BAG6: variants seen among roughly 807,000 people sequenced by gnomAD.
The protein encoded by BAG6 is BAG cochaperone 6.
A neutral mutation model predicts 121.0 loss-of-function variants in BAG6; 22 were observed. The observed-to-expected ratio is 0.18, with a 90% confidence interval of 0.13 to 0.26. The LOEUF is 0.26. Ranked by LOEUF, BAG6 falls within the 10% of genes least tolerant of loss-of-function variation. The pLI, the probability that BAG6 is intolerant of heterozygous loss-of-function variation, is 1.00. For missense variants in BAG6, 1,233 were observed against 1,537.7 expected (o/e 0.80, Z 3.31); for synonymous variants, 583 against 584.6 (o/e 1.00, Z 0.04).
Position 31,640,283 on chromosome 6 carries a change from C to T in BAG6, c.3162G>A (p.Gln1054=), listed in dbSNP as rs1458194659. The T allele has an allele frequency of 6.2e-7, 1 of 1,614,188 alleles. No individual in the cohort carries two copies. The highest frequency in any genetic ancestry group is 8.5e-7 in the Non-Finnish European group (1 of 1,180,032). ...VPPEWVPIIQ[Q]DIQSQRKVKP... is the part of the protein sequence containing the mutation. The stretch of plus-strand genomic sequence containing the variant: ...TCACCTTCCGCTGGCTCTGAATGTC[C>T]TGCTGGATAATAGGGACCCATTCCT... Residue 1054 remains glutamine, a synonymous_variant, in exon 24 of 26, where the codon CAG becomes CAA. Coordinates refer to ENST00000676615, the MANE Select transcript of BAG6 (RefSeq NM_001387994.1). This position sits in a 1 kb window ranked among gnomAD's most constrained non-coding sequence, Gnocchi z 4.2.
At chr6:31,645,643 T>C in intron 8 of BAG6, 39 bp from the exon 9 acceptor site, 1 of 1,603,268 alleles carries the variant, frequency 6.2e-7, no homozygotes, top group Non-Finnish European at 8.5e-7. Context: ...GCAGAAAATA[T>C]CAAGCTGGAG....
In BAG6 at chr6:31,645,618, G is replaced by A; in HGVS notation, c.919-14C>T. On this transcript the variant is annotated splice_polypyrimidine_tract_variant and intron_variant, in intron 8 of 25. Transcript: ENST00000676615. ...CCGGCCCTCGTGCTGCGCACAACCA[G>A]CCAAACACAAAAAGGCAGAAAATAT... 2 of 1,612,158 alleles carry A rather than the reference G, an allele frequency of 1.2e-6. No homozygotes were observed. The highest frequency in any genetic ancestry group is 1.7e-5 in the Admixed American group (1 of 59,860).
At position 31,644,675 on chromosome 6, in the gene BAG6, G is replaced by C; in HGVS notation, c.1370-73C>G. 1.3e-6 allele frequency: 2 copies of C among 1,488,058 alleles called. No homozygotes were observed. Among genetic ancestry groups the C allele is most frequent in the Non-Finnish European group, 1.9e-6 (2 of 1,074,936 alleles). 92.2% of individuals were successfully genotyped at this position (1,488,058 alleles called of 1,614,324 possible). On this transcript the variant is annotated intron_variant, in intron 10 of 25. Coordinates refer to ENST00000676615, the MANE Select transcript of BAG6 (RefSeq NM_001387994.1). This position sits in a 1 kb window ranked among gnomAD's most constrained non-coding sequence, Gnocchi z 4.9. ...GCCTAACTATATCCTTCTGAGATCA[G>C]GCATACTTCAGGCCCATAATCCCCC... is the stretch of plus-strand genomic sequence containing the variant.
Position 31,642,923 on chromosome 6 carries a change from G to C in BAG6, c.1949C>G (p.Pro650Arg), listed in dbSNP as rs908266605. ...LLGNLLGPAG[P>R]GAGGSGVASP... Reference sequence around the variant, plus strand: ...AGCCACACCAGACCCTCCAGCCCCTGGCCCTGCAGGCCCTAGCAGGTTCCC... The same window carrying C: ...AGCCACACCAGACCCTCCAGCCCCTCGCCCTGCAGGCCCTAGCAGGTTCCC... The change falls in exon 15 of 26, where the codon CCA becomes CGA. Residue 650 changes from proline to arginine, a missense_variant. Around this residue, in one of 7 missense-constraint regions of BAG6, gnomAD observed 777 missense variants for 861.4 expected, o/e 0.90. Coordinates refer to ENST00000676615, the MANE Select transcript of BAG6 (RefSeq NM_001387994.1). 1.2e-6 allele frequency: 2 copies of C among 1,609,396 alleles called. No homozygotes were observed. The highest frequency in any genetic ancestry group is 1.7e-6 in the Non-Finnish European group (2 of 1,178,056).
intron 2 of BAG6, 106 bp from the exon 3 acceptor site, chr6:31,649,733 C>T: frequency 2.2e-6 from 2 of 895,834 alleles, no homozygotes; most frequent in East Asian, 2.4e-5. Context: ...ACCACAGAAT[C>T]ACTACCCGTT....
chr6:31,640,708 TGAAATTAAA>T lies in BAG6; in HGVS notation c.2935-13_2935-5del. Reference sequence around the variant, plus strand: ...CCATTGGCTCCTCAGGAAGTGGCTGTGAAATTAAAGAACACCATACTTCCTCTCAGATCT... The same window carrying T: ...CCATTGGCTCCTCAGGAAGTGGCTGTGAACACCATACTTCCTCTCAGATCT... On this transcript the variant is annotated splice_region_variant and splice_polypyrimidine_tract_variant and intron_variant, in intron 21 of 25. Coordinates refer to ENST00000676615, the MANE Select transcript of BAG6 (RefSeq NM_001387994.1). This position sits in a 1 kb window ranked among gnomAD's most constrained non-coding sequence, Gnocchi z 4.2. 1 of 1,612,686 alleles carries T rather than the reference TGAAATTAAA, an allele frequency of 6.2e-7. No homozygotes were observed. The highest frequency in any genetic ancestry group is 8.5e-7 in the Non-Finnish European group (1 of 1,179,906).
rs776782595 is a variant in BAG6, at chr6:31,645,160, C to T, written c.1155G>A (p.Gly385=). ...CATTGGGAGTTGGGGGGGGCCGAGT[C>T]CCATTTCCTGTCATGGTCACAGTGG... ...VGTTVTMTGN[G]TRPPPTPNAE... Residue 385 remains glycine (G), a synonymous_variant, in exon 10 of 26, where the codon GGG becomes GGA. Transcript: ENST00000676615. The T allele has an allele frequency of 1.2e-6, 2 of 1,612,610 alleles. No individual in the cohort carries two copies. Among genetic ancestry groups the T allele is most frequent in the South Asian group, 2.2e-5 (2 of 91,048 alleles).
chr6:31,644,246 C>A lies in BAG6; in HGVS notation c.1556-52G>T. Reference sequence around the variant, plus strand: ...AAGAGGGCTGAGGGCCAGGCCCTTGCCAGCCAGCTGCCACCATGGACTGTG... The same window carrying A: ...AAGAGGGCTGAGGGCCAGGCCCTTGACAGCCAGCTGCCACCATGGACTGTG... On this transcript the variant is annotated intron_variant, in intron 12 of 25. Transcript: ENST00000676615. The surrounding 1 kb of genome is among the most constrained non-coding windows in gnomAD (Gnocchi z 4.9). 6.4e-7 allele frequency: 1 copy of A among 1,574,754 alleles called. No homozygotes were observed. Among genetic ancestry groups the A allele is most frequent in the Admixed American group, 1.9e-5 (1 of 53,682 alleles).
intron 24 of BAG6, chr6:31,639,899 G>C: frequency 1.6e-6 from 1 of 617,302 alleles, no homozygotes; most frequent in Non-Finnish European, 2.8e-6. Flanking sequence ...AAGCCATCCG[G>C]GATTCAGAGC....
intron 2 of BAG6, among the ~76,000 whole-genome samples, chr6:31,650,159 C>T (rs183844481): frequency 1.3e-5 from 2 of 151,528 alleles, no homozygotes; most frequent in Admixed American, 6.6e-5. Context: ...AAAAATAACA[C>T]GGATGAAAAA....
intron 7 of BAG6, among the ~76,000 whole-genome samples, 161 bp downstream of exon 7, chr6:31,647,430 G>A (rs769713372): frequency 2.6e-5 from 4 of 152,146 alleles, no homozygotes; most frequent in Admixed American, 6.5e-5. Flanking sequence ...CTGTCCTAGC[G>A]TCATTTACCT....
intron 7 of BAG6, 107 bp from the exon 8 acceptor site, chr6:31,646,630 C>G: frequency 7.0e-7 from 1 of 1,432,192 alleles, no homozygotes; most frequent in Non-Finnish European, 9.4e-7. Context: ...TCCCAGAGCC[C>G]TGGCCCAATC....
At position 31,645,460 on chromosome 6, in the gene BAG6, T is replaced by C. The variant is rs138038562; in HGVS notation, c.1063A>G (p.Met355Val). 6.5e-5 allele frequency: 105 copies of C among 1,613,044 alleles called. 1 individual carries two copies. Among genetic ancestry groups the C allele is most frequent in the East Asian group, 2.0e-4 (9 of 44,884 alleles). ...PPRHLHVVRPMSHYTTPMVLQ... is the reference protein window; with the variant it reads ...PPRHLHVVRPVSHYTTPMVLQ... ...ACCATGGGGGTGGTGTAGTGAGACA[T>C]AGGCCGGACCACATGCAGGTGTCGT... is the stretch of plus-strand genomic sequence containing the variant. The change falls in exon 9 of 26, where the codon ATG becomes GTG. Residue 355 changes from methionine to valine, a missense_variant. Around this residue, in one of 7 missense-constraint regions of BAG6, gnomAD observed 777 missense variants for 861.4 expected, o/e 0.90. Coordinates refer to ENST00000676615, the MANE Select transcript of BAG6 (RefSeq NM_001387994.1).
chr6:31,642,863 G>C lies in BAG6; in HGVS notation c.2009C>G (p.Pro670Arg). The change falls in exon 15 of 26, where the codon CCT (proline) becomes CGT (arginine). Residue 670 changes from proline to arginine, a missense_variant. By Grantham distance (103) the Pro-to-Arg change is moderately radical. Transcript: ENST00000676615. ...GTCAGTCATGCCTTGGAGAAAGGCAGGGACACCAGGCATCGCCACAGTGAT... is the reference window on the plus strand; with the variant it reads ...GTCAGTCATGCCTTGGAGAAAGGCACGGACACCAGGCATCGCCACAGTGAT... ...PTITVAMPGV[P>R]AFLQGMTDFL... The C allele has an allele frequency of 6.2e-7, 1 of 1,612,694 alleles. No homozygotes were observed. Among genetic ancestry groups the C allele is most frequent in the Non-Finnish European group, 8.5e-7 (1 of 1,179,534 alleles).
chr6:31,640,344 T>A lies in BAG6; in HGVS notation c.3139-38A>T, dbSNP rs1044639614. ...AGAGAAAATAGTAATGTCCTTGACT[T>A]TCAGCTGCCATGACCCACTGGATTA... On this transcript the variant is annotated intron_variant, in intron 23 of 25. Coordinates refer to ENST00000676615, the MANE Select transcript of BAG6 (RefSeq NM_001387994.1). This position sits in a 1 kb window ranked among gnomAD's most constrained non-coding sequence, Gnocchi z 4.2. 1.9e-6 allele frequency: 3 copies of A among 1,614,196 alleles called. No homozygotes were observed. The highest frequency in any genetic ancestry group is 2.2e-5 in the South Asian group (2 of 91,088).
intron 7 of BAG6, 100 bp from the exon 8 acceptor site, chr6:31,646,623 C>G: frequency 3.3e-6 from 5 of 1,492,814 alleles, no homozygotes; most frequent in Non-Finnish European, 4.5e-6. Context: ...CCTGGTCTCC[C>G]AGAGCCCTGG....
chr6:31,639,931 C>T (rs1372432175), intron 24 of BAG6: 2 of 614,282 alleles, frequency 3.3e-6, no homozygotes, highest in Non-Finnish European at 5.6e-6. Flanking sequence ...CAAGAGGAAA[C>T]CCACCTTAAA....
In BAG6 at chr6:31,641,689, G is replaced by A; in HGVS notation, c.2505+87C>T. The A allele has an allele frequency of 3.7e-6, 6 of 1,610,544 alleles. No individual in the cohort carries two copies. The highest frequency in any genetic ancestry group is 5.1e-6 in the Non-Finnish European group (6 of 1,176,866). On this transcript the variant is annotated intron_variant, in intron 17 of 25. Transcript: ENST00000676615. The surrounding 1 kb of genome is among the most constrained non-coding windows in gnomAD (Gnocchi z 5.7). Reference sequence around the variant, plus strand: ...GTCCAGGGCTTGTGTGGGGGCAATTGGAGCTTTACCTGGCAGAGAAGCAGT... The same window carrying A: ...GTCCAGGGCTTGTGTGGGGGCAATTAGAGCTTTACCTGGCAGAGAAGCAGT...
Position 31,641,563 on chromosome 6 carries a change from T to C in BAG6, c.2535A>G (p.Leu845=). ...RMATHTLITG[L]EEYVRESFSL... The stretch of plus-strand genomic sequence containing the variant: ...CAAAACTCTCCCGCACATACTCTTC[T>C]AGCCCCGTGATCAATGTGTGGGTTG... The change falls in exon 18 of 26, where the codon CTA becomes CTG. Residue 845 remains leucine (L), a synonymous_variant. Transcript: ENST00000676615. The surrounding 1 kb of genome is among the most constrained non-coding windows in gnomAD (Gnocchi z 5.7). The C allele has an allele frequency of 6.2e-7, 1 of 1,614,148 alleles. No individual in the cohort carries two copies. Among genetic ancestry groups the C allele is most frequent in the Non-Finnish European group, 8.5e-7 (1 of 1,179,988 alleles).
Sources: allele counts gnomAD v4.1 joint callset (sites outside exome capture counted in the v4.1 genomes callset), GRCh38; gene constraint gnomAD v4.1.1; regional missense constraint gnomAD v4.1.1; non-coding constraint Gnocchi (gnomAD v3.1); transcripts MANE v1.5; gene names NCBI Gene and HGNC (gene_info 2026-07-23, HGNC 2026-07-21).